The following PCDHGB1 variants were observed in gnomAD, a reference collection of about 807,000 sequenced individuals.
The protein encoded by PCDHGB1 is protocadherin gamma-B1.
Under a neutral mutation model 56.6 loss-of-function variants are expected in PCDHGB1, and 34 were observed. The ratio of observed to expected loss-of-function variants is 0.60; its 90% CI spans 0.46 to 0.80. PCDHGB1 has a LOEUF of 0.80. Among genes scored for constraint, PCDHGB1 ranks in the 30% least tolerant of loss-of-function variants. The pLI is 0.00. For missense variants in PCDHGB1, 1,278 were observed against 1,204.6 expected (o/e 1.06, Z -0.90); for synonymous variants, 561 against 505.9 (o/e 1.11, Z -1.46).
At chr5:141,501,602 A>T (rs766918685) in intron 2 of PCDHGB1, among the ~76,000 whole-genome samples, 1 of 152,026 alleles carries the variant, frequency 6.6e-6, no homozygotes. Flanking sequence ...TACCAGTTCC[A>T]GCTGTGTGAC....
At chr5:141,357,607 G>T in intron 1 of PCDHGB1, 2 of 1,613,950 alleles carry the variant, frequency 1.2e-6, no homozygotes, top group Non-Finnish European at 1.7e-6. Context: ...AACAAAAGGA[G>T]ACCCTAATCT....
intron 1 of PCDHGB1, chr5:141,414,961 G>T: frequency 6.2e-7 from 1 of 1,614,028 alleles, no homozygotes; most frequent in South Asian, 1.1e-5. Flanking sequence ...GACCAAGGTG[G>T]TGGCGGTGGA....
At chr5:141,408,002 T>A in intron 1 of PCDHGB1, 1 of 908,258 alleles carries the variant, frequency 1.1e-6, no homozygotes, top group Non-Finnish European at 1.6e-6. Flanking sequence ...GGCCTGGGAT[T>A]CCCTGCGCAG....
chr5:141,404,517 A>G lies in PCDHGB1; in HGVS notation c.2409+51848A>G, dbSNP rs1268035794. On this transcript the variant is annotated intron_variant, in intron 1 of 3. Transcript: ENST00000523390. The stretch of plus-strand genomic sequence containing the variant: ...CTGTATGCTCTGTGCTCCTTTGACT[A>G]TGAGCAGTTTAGAGATTTGCAAATG... 5 of 1,613,938 alleles carry G rather than the reference A, an allele frequency of 3.1e-6. No homozygotes were observed. Among genetic ancestry groups the G allele is most frequent in the Non-Finnish European group, 3.4e-6 (4 of 1,179,844 alleles).
chr5:141,451,579 A>G (rs1222576609), intron 1 of PCDHGB1, among the ~76,000 whole-genome samples: 1 of 152,084 alleles, frequency 6.6e-6, no homozygotes, highest in Non-Finnish European at 1.5e-5. Flanking sequence ...TTATAAACCT[A>G]ATTTTGAAAG....
intron 1 of PCDHGB1, chr5:141,388,335 C>G: frequency 1.2e-6 from 2 of 1,613,810 alleles, no homozygotes; most frequent in Non-Finnish European, 1.7e-6. Context: ...GCCTGGCACA[C>G]GATTTATATT....
In PCDHGB1 at chr5:141,351,150, T is replaced by G. The variant is rs781775496; in HGVS notation, c.890T>G (p.Ile297Ser). The G allele has an allele frequency of 1.9e-6, 3 of 1,614,020 alleles. No homozygotes were observed. The highest frequency in any genetic ancestry group is 2.5e-6 in the Non-Finnish European group (3 of 1,179,892). ...LFNLNPNTGDITTNGTLDFEE... is the reference protein window; with the variant it reads ...LFNLNPNTGDSTTNGTLDFEE... ...AATCTCAATCCAAATACTGGCGACA[T>G]CACAACCAATGGCACATTGGATTTT... The change falls in exon 1 of 4, where the codon ATC becomes AGC. Residue 297 changes from isoleucine to serine, a missense_variant. Physicochemically the swap from Ile to Ser is moderately radical, Grantham distance 142. Transcript: ENST00000523390.
intron 3 of PCDHGB1, among the ~76,000 whole-genome samples, chr5:141,506,861 G>A (rs2099856791): frequency 6.6e-6 from 1 of 152,178 alleles, no homozygotes; most frequent in African/African-American, 2.4e-5. Context: ...TGGAGGACTG[G>A]TGGGTAGAGA....
At chr5:141,385,170 C>T (rs1561606866) in intron 1 of PCDHGB1, 2 of 1,614,212 alleles carry the variant, frequency 1.2e-6, no homozygotes, top group Non-Finnish European at 1.7e-6. Flanking sequence ...CCCATGAGGT[C>T]TCCCTCACCG....
At chr5:141,445,188 GTATTCTA>G (rs1223900471) in intron 1 of PCDHGB1, among the ~76,000 whole-genome samples, 1 of 152,080 alleles carries the variant, frequency 6.6e-6, no homozygotes, top group Non-Finnish European at 1.5e-5. Context: ...ATGTTTTTAT[GTATTCTA>G]TATGCTTTTG....
chr5:141,366,655 C>T (rs761615702), intron 1 of PCDHGB1: 7 of 1,614,102 alleles, frequency 4.3e-6, no homozygotes, highest in African/African-American at 2.7e-5. Context: ...AGCCCAACTA[C>T]GCAGACACGC....
chr5:141,441,295 A>C (rs952946372), intron 1 of PCDHGB1: 3 of 152,240 alleles, frequency 2.0e-5, no homozygotes, highest in Non-Finnish European at 4.4e-5. Flanking sequence ...CACATGTCTG[A>C]TATAAGAAAA....
At chr5:141,357,746 GA>G in intron 1 of PCDHGB1, 1 of 1,173,014 alleles carries the variant, frequency 8.5e-7, no homozygotes, top group Admixed American at 2.8e-5. Context: ...TTGCTTTAAA[GA>G]AAACTGGTGG....
At chr5:141,474,143 T>C (rs933805562) in intron 1 of PCDHGB1, among the ~76,000 whole-genome samples, 5 of 152,188 alleles carry the variant, frequency 3.3e-5, no homozygotes, top group Non-Finnish European at 5.9e-5. Flanking sequence ...CAGGCCTTAT[T>C]ATCAAGAAAA....
At chr5:141,419,378 G>A in intron 1 of PCDHGB1, 3 of 1,613,710 alleles carry the variant, frequency 1.9e-6, no homozygotes, top group Non-Finnish European at 2.5e-6. Context: ...CTACGTGTCC[G>A]TGAGCGCGCA....
intron 1 of PCDHGB1, chr5:141,476,000 T>A (rs2099383773): frequency 1.6e-6 from 2 of 1,225,380 alleles, no homozygotes; most frequent in African/African-American, 1.5e-5. Flanking sequence ...ATCAACGGCA[T>A]CCAGAAAGCC....
Position 141,351,011 on chromosome 5 carries a change from A to C in PCDHGB1, c.751A>C (p.Asn251His), listed in dbSNP as rs1417142808. Residue 251 changes from asparagine (N) to histidine (H), a missense_variant, in exon 1 of 4, where the codon AAC becomes CAC. Coordinates refer to ENST00000523390, the MANE Select transcript of PCDHGB1 (RefSeq NM_018922.3). ...GGTATACAGGGTTAGCCTCCAAGAA[A>C]ACGTACCGTGGGGAACCTCCGTGCT... ...QEVYRVSLQE[N>H]VPWGTSVLRV... The C allele has an allele frequency of 6.2e-7, 1 of 1,614,030 alleles. No homozygotes were observed. The highest frequency in any genetic ancestry group is 8.5e-7 in the Non-Finnish European group (1 of 1,179,898).
intron 1 of PCDHGB1, chr5:141,394,518 A>C (rs1256235757): frequency 6.2e-7 from 1 of 1,614,094 alleles, no homozygotes; most frequent in Non-Finnish European, 8.5e-7. Flanking sequence ...CGCCCTCCCC[A>C]CAGACGGTTC....
At chr5:141,388,913 A>T in intron 1 of PCDHGB1, 1 of 1,614,040 alleles carries the variant, frequency 6.2e-7, no homozygotes, top group Non-Finnish European at 8.5e-7. Context: ...ACAACGCCCC[A>T]GAAGTGATAT....
Sources: allele counts gnomAD v4.1 joint callset (sites outside exome capture counted in the v4.1 genomes callset), GRCh38; gene constraint gnomAD v4.1.1; transcripts MANE v1.5; gene names NCBI Gene and HGNC (gene_info 2026-07-23, HGNC 2026-07-21).